The following MIS18A variants were observed in gnomAD, a reference collection of about 807,000 sequenced individuals.
The protein encoded by MIS18A is protein Mis18-alpha.
In MIS18A, 14 loss-of-function variants were observed where a neutral mutation model predicts 25.0. The ratio of observed to expected loss-of-function variants is 0.56; its 90% CI spans 0.37 to 0.88. The LOEUF (loss-of-function observed/expected upper bound fraction) is 0.88, where lower values mean the gene tolerates loss of function less well. Among genes scored for constraint, MIS18A ranks in the 40% least tolerant of loss-of-function variants. The pLI is 0.00. For synonymous variants in MIS18A, 134 were observed against 118.6 expected, an observed-to-expected ratio of 1.13 and a Z score of -0.84; for missense variants, 292 against 290.8, an observed-to-expected ratio of 1.00 and a Z score of -0.03.
At chr21:32,251,302 T>C in the MIS18A span, among the ~76,000 whole-genome samples, 2 of 152,190 alleles carry the variant, frequency 1.3e-5, no homozygotes, top group Admixed American at 6.5e-5. Flanking sequence ...GGGAGGATTT[T>C]TGTGGCTCTT....
At chr21:32,275,993 C>T (rs2031801165) in intron 1 of MIS18A, among the ~76,000 whole-genome samples, 1 of 152,140 alleles carries the variant, frequency 6.6e-6, no homozygotes, top group Admixed American at 6.5e-5. Context: ...AGCATAATAA[C>T]GTACTCACTA....
At chr21:32,213,424 A>G in the MIS18A span, among the ~76,000 whole-genome samples, 1 of 152,226 alleles carries the variant, frequency 6.6e-6, no homozygotes, top group South Asian at 2.1e-4. Flanking sequence ...TACTGTGTAT[A>G]ATATGCTACT....
the MIS18A span, among the ~76,000 whole-genome samples, chr21:32,254,484 T>C: frequency 6.6e-6 from 1 of 151,858 alleles, no homozygotes. Context: ...TGAGCCAAGA[T>C]TGCGTCATTG....
the MIS18A span, among the ~76,000 whole-genome samples, chr21:32,247,926 G>A: frequency 6.6e-6 from 1 of 152,192 alleles, no homozygotes; most frequent in African/African-American, 2.4e-5. Flanking sequence ...TCCAGGCTGG[G>A]AGCCTGCCCC....
the MIS18A span, among the ~76,000 whole-genome samples, chr21:32,202,064 G>T: frequency 6.6e-6 from 1 of 152,124 alleles, no homozygotes. Flanking sequence ...CAAGGAATGT[G>T]GATCACTTGA....
At chr21:32,200,761 A>G in the MIS18A span, among the ~76,000 whole-genome samples, 75 of 152,248 alleles carry the variant, frequency 4.9e-4, no homozygotes, top group African/African-American at 1.8e-3. Context: ...TTAAAAATTA[A>G]GGAGATGTGA....
the MIS18A span, among the ~76,000 whole-genome samples, chr21:32,160,285 AACACACACACACAC>A: frequency 0.26 from 38,132 of 145,554 alleles, 5,245 homozygotes; most frequent in Non-Finnish European, 0.3. Context: ...ACACCTCTGC[AACACACACACACAC>A]ACACACACAC....
intron 1 of MIS18A, chr21:32,277,979 C>T (rs2031847343): frequency 6.6e-6 from 1 of 152,072 alleles, no homozygotes; most frequent in African/African-American, 2.4e-5. Flanking sequence ...AAATCACAAT[C>T]CAAAAACAAC....
the MIS18A span, among the ~76,000 whole-genome samples, chr21:32,191,551 C>T: frequency 1.3e-5 from 2 of 152,070 alleles, no homozygotes; most frequent in Non-Finnish European, 2.9e-5. Context: ...ATGACCCATT[C>T]CAGCCCTAGG....
At chr21:32,209,698 G>A in the MIS18A span, among the ~76,000 whole-genome samples, 1 of 152,136 alleles carries the variant, frequency 6.6e-6, no homozygotes, top group Non-Finnish European at 1.5e-5. Flanking sequence ...ATTGAATCAT[G>A]GGGGCGGTTA....
chr21:32,251,413 C>T, the MIS18A span, among the ~76,000 whole-genome samples: 2 of 152,184 alleles, frequency 1.3e-5, no homozygotes, highest in South Asian at 4.2e-4. Flanking sequence ...TTATCTCTTC[C>T]TTTCTCCCAC....
chr21:32,270,498 A>C lies in MIS18A; in HGVS notation c.433T>G (p.Ser145Ala). Residue 145 changes from serine to alanine, a missense_variant, in exon 3 of 5, where the codon TCA (serine) becomes GCA (alanine). By Grantham distance (99) the Ser-to-Ala change is moderately conservative. Transcript: ENST00000290130. ...VLETLCCAGCSLNLGYVYRCT... is the reference protein window; with the variant it reads ...VLETLCCAGCALNLGYVYRCT... ...CTGTACACGTAGCCAAGATTGAGTG[A>C]GCACCCCGCGCAGCACAAAGTCTCA... 6.2e-7 allele frequency: 1 copy of C among 1,607,110 alleles called. No homozygotes were observed. Among genetic ancestry groups the C allele is most frequent in the East Asian group, 2.2e-5 (1 of 44,522 alleles).
At chr21:32,176,064 A>G in the MIS18A span, among the ~76,000 whole-genome samples, 3 of 152,102 alleles carry the variant, frequency 2.0e-5, no homozygotes, top group Non-Finnish European at 4.4e-5. Flanking sequence ...GCTGTCTATG[A>G]TAACAATGCT....
At chr21:32,217,397 C>A in the MIS18A span, among the ~76,000 whole-genome samples, 1 of 151,986 alleles carries the variant, frequency 6.6e-6, no homozygotes, top group East Asian at 1.9e-4. Context: ...AAGAAAGAAA[C>A]AACATACTTG....
At chr21:32,262,612 T>C in the MIS18A span, among the ~76,000 whole-genome samples, 1 of 152,226 alleles carries the variant, frequency 6.6e-6, no homozygotes, top group Non-Finnish European at 1.5e-5. Flanking sequence ...CATTTCTCAT[T>C]TCCTTTCAGG....
chr21:32,160,735 G>T, the MIS18A span, among the ~76,000 whole-genome samples: 1 of 151,992 alleles, frequency 6.6e-6, no homozygotes, highest in Admixed American at 6.6e-5. Context: ...GGGTTCAAGA[G>T]ATTCTCTTGC....
At chr21:32,240,199 C>T in the MIS18A span, among the ~76,000 whole-genome samples, 1 of 152,224 alleles carries the variant, frequency 6.6e-6, no homozygotes, top group African/African-American at 2.4e-5. Flanking sequence ...ATGGACTGAA[C>T]CTCTGTGTCC....
At chr21:32,212,672 C>A in the MIS18A span, among the ~76,000 whole-genome samples, 1 of 152,158 alleles carries the variant, frequency 6.6e-6, no homozygotes, top group Non-Finnish European at 1.5e-5. Flanking sequence ...CCAAATCTCA[C>A]CTTGAATTAT....
the MIS18A span, among the ~76,000 whole-genome samples, chr21:32,159,501 A>G: frequency 6.6e-6 from 1 of 152,244 alleles, no homozygotes; most frequent in Non-Finnish European, 1.5e-5. Flanking sequence ...TATAGTTTAT[A>G]ACCCTTATGG....
Sources: allele counts gnomAD v4.1 joint callset (sites outside exome capture counted in the v4.1 genomes callset), GRCh38; gene constraint gnomAD v4.1.1; transcripts MANE v1.5; gene names NCBI Gene and HGNC (gene_info 2026-07-23, HGNC 2026-07-21).